The following FAT3 variants were observed in gnomAD, a reference collection of about 807,000 sequenced individuals.
The protein encoded by FAT3 is FAT atypical cadherin 3.
In FAT3, 95 loss-of-function variants were observed where a neutral mutation model predicts 310.2. That is an observed-to-expected ratio of 0.31 (90% CI 0.26 to 0.36). FAT3 has a LOEUF of 0.36. Among genes scored for constraint, FAT3 ranks in the 10% least tolerant of loss-of-function variants. FAT3 has a pLI of 1.00. For synonymous variants in FAT3, 2,314 were observed against 2,192.9 expected, an observed-to-expected ratio of 1.06 and a Z score of -1.54; for missense variants, 5,408 against 5,715.6, an observed-to-expected ratio of 0.95 and a Z score of 1.74.
At chr11:92,283,538 A>T (rs1278885756) in intron 1 of FAT3, among the ~76,000 whole-genome samples, 1 of 152,174 alleles carries the variant, frequency 6.6e-6, no homozygotes, top group Admixed American at 6.6e-5. Flanking sequence ...GAATGCCCAA[A>T]GAGTTGAATC....
At chr11:92,870,872 G>A (rs980731364) in intron 22 of FAT3, among the ~76,000 whole-genome samples, 1 of 152,164 alleles carries the variant, frequency 6.6e-6, no homozygotes, top group Non-Finnish European at 1.5e-5. Flanking sequence ...AAGTGCTTAT[G>A]CCCTGGGACA....
chr11:92,629,506 A>G (rs573615895), intron 3 of FAT3, among the ~76,000 whole-genome samples: 1 of 151,410 alleles, frequency 6.6e-6, no homozygotes, highest in Admixed American at 6.6e-5. Context: ...CCTGGGCTCA[A>G]GCAATCCTCC....
At chr11:92,837,268 A>G (rs1383512391) in intron 16 of FAT3, among the ~76,000 whole-genome samples, 1 of 152,238 alleles carries the variant, frequency 6.6e-6, no homozygotes, top group African/African-American at 2.4e-5. Context: ...AAATATTAAC[A>G]TTGATAAATA....
intron 3 of FAT3, among the ~76,000 whole-genome samples, chr11:92,560,595 C>T (rs534086621): frequency 6.6e-6 from 1 of 152,068 alleles, no homozygotes; most frequent in Non-Finnish European, 1.5e-5. Context: ...GGCATATTCT[C>T]TGGTTGTAGA....
Position 92,609,991 on chromosome 11 carries a change from T to C in FAT3, c.3607+85043T>C, listed in dbSNP as rs369336458. Among the ~76,000 whole-genome samples the C allele has an allele frequency of 2.6e-4, 39 of 152,346 alleles. No individual in the cohort carries two copies. The South Asian group carries it at 7.7e-3, about 30-fold the overall frequency. On this transcript the variant is annotated intron_variant, in intron 3 of 27. Transcript: ENST00000525166. Reference sequence around the variant, plus strand: ...AAATTCCCATTCAGGCTTCTCATTTTTGTACATTGATACTGCACAAAGCAT... The same window carrying C: ...AAATTCCCATTCAGGCTTCTCATTTCTGTACATTGATACTGCACAAAGCAT...
intron 3 of FAT3, among the ~76,000 whole-genome samples, chr11:92,640,222 T>C (rs1941909606): frequency 6.6e-6 from 1 of 152,132 alleles, no homozygotes; most frequent in South Asian, 2.1e-4. Context: ...TCAAGCCTGC[T>C]GTATACTGCT....
chr11:92,448,776 C>G (rs1235663358), intron 2 of FAT3, among the ~76,000 whole-genome samples: 1 of 152,184 alleles, frequency 6.6e-6, no homozygotes, highest in East Asian at 1.9e-4. Flanking sequence ...TCTCCCTGCT[C>G]TTTTGCATTC....
intron 6 of FAT3, among the ~76,000 whole-genome samples, chr11:92,771,603 A>G (rs901596800): frequency 2.0e-5 from 3 of 152,156 alleles, no homozygotes; most frequent in Non-Finnish European, 1.5e-5. Flanking sequence ...GCTGAGAGAC[A>G]TAGTTTGTAG....
chr11:92,734,595 T>A (rs1334199745), intron 4 of FAT3, among the ~76,000 whole-genome samples: 2 of 152,140 alleles, frequency 1.3e-5, no homozygotes, highest in Non-Finnish European at 2.9e-5. Flanking sequence ...AGTCAATTAA[T>A]TTGTTTTAAA....
At chr11:92,497,217 C>G (rs2135258867) in intron 2 of FAT3, among the ~76,000 whole-genome samples, 3 of 152,046 alleles carry the variant, frequency 2.0e-5, no homozygotes, top group Admixed American at 2.0e-4. Context: ...TCCATGGCAC[C>G]AGAAAAGGGA....
intron 1 of FAT3, among the ~76,000 whole-genome samples, chr11:92,236,674 G>A (rs1239127303): frequency 6.6e-6 from 1 of 152,094 alleles, no homozygotes; most frequent in Non-Finnish European, 1.5e-5. Context: ...ATTAAAAATT[G>A]GCTCGGAGGT....
At chr11:92,262,373 G>A (rs1395968868) in intron 1 of FAT3, among the ~76,000 whole-genome samples, 1 of 152,096 alleles carries the variant, frequency 6.6e-6, no homozygotes, top group Non-Finnish European at 1.5e-5. Flanking sequence ...AAGAGCAAAT[G>A]TGTAGTCACC....
chr11:92,451,626 G>A (rs764775346), intron 2 of FAT3, among the ~76,000 whole-genome samples: 5 of 152,228 alleles, frequency 3.3e-5, no homozygotes, highest in Non-Finnish European at 7.4e-5. Flanking sequence ...TCCTTTTCAT[G>A]TGACTGTAGA....
intron 3 of FAT3, among the ~76,000 whole-genome samples, chr11:92,541,823 A>G (rs1954458188): frequency 6.6e-6 from 1 of 152,128 alleles, no homozygotes; most frequent in Admixed American, 6.6e-5. Context: ...CGTTACTTTT[A>G]TAAATAGGAG....
chr11:92,278,108 A>C (rs1946325459), intron 1 of FAT3, among the ~76,000 whole-genome samples: 1 of 152,034 alleles, frequency 6.6e-6, no homozygotes, highest in Non-Finnish European at 1.5e-5. Context: ...ATTCTAACCC[A>C]CAGAAATTCC....
chr11:92,558,025 G>T (rs1324232195), intron 3 of FAT3, among the ~76,000 whole-genome samples: 2 of 152,022 alleles, frequency 1.3e-5, no homozygotes, highest in African/African-American at 2.4e-5. Context: ...ATCACATTCA[G>T]GCATTTGCTG....
intron 3 of FAT3, among the ~76,000 whole-genome samples, chr11:92,584,208 C>T (rs572065915): frequency 5.7e-4 from 87 of 152,058 alleles, no homozygotes; most frequent in Non-Finnish European, 9.3e-4. Context: ...AGATCAGGTG[C>T]GCCGTTCATC....
intron 9 of FAT3, among the ~76,000 whole-genome samples, chr11:92,794,836 A>T (rs1407738143): frequency 6.6e-6 from 1 of 152,234 alleles, no homozygotes; most frequent in Admixed American, 6.5e-5. Flanking sequence ...TCACAGACAG[A>T]CAGACAAACC....
chr11:92,416,861 G>C (rs928117968), intron 2 of FAT3, among the ~76,000 whole-genome samples: 1 of 152,150 alleles, frequency 6.6e-6, no homozygotes, highest in Non-Finnish European at 1.5e-5. Context: ...TCCACATCCT[G>C]CTGGGAAAGA....
Sources: allele counts gnomAD v4.1 joint callset (sites outside exome capture counted in the v4.1 genomes callset), GRCh38; gene constraint gnomAD v4.1.1; transcripts MANE v1.5; gene names NCBI Gene and HGNC (gene_info 2026-07-23, HGNC 2026-07-21).